Variants in FBXW11 observed in about 807,000 individuals in gnomAD.
FBXW11 encodes the protein F-box/WD repeat-containing protein 11.
A neutral mutation model predicts 77.6 loss-of-function variants in FBXW11; 19 were observed. That is an observed-to-expected ratio of 0.24 (90% CI 0.17 to 0.36). The LOEUF is 0.36. Ranked by LOEUF, FBXW11 falls within the 10% of genes least tolerant of loss-of-function variation. FBXW11 has a pLI of 1.00. For missense variants in FBXW11, 334 were observed against 704.2 expected (o/e 0.47, Z 5.95); for synonymous variants, 235 against 249.4 (o/e 0.94, Z 0.54).
chr5:171,968,411 TC>T (rs1221197554), intron 1 of FBXW11, among the ~76,000 whole-genome samples: 1 of 148,328 alleles, frequency 6.7e-6, no homozygotes, highest in African/African-American at 2.5e-5. Context: ...TGAGCGGAGA[TC>T]AGCCATTGCA....
Position 171,971,631 on chromosome 5 carries a change from GAA to G in FBXW11, c.46-13935_46-13934del, listed in dbSNP as rs34729639. On this transcript the variant is annotated intron_variant, in intron 1 of 13. Coordinates refer to ENST00000517395, the MANE Select transcript of FBXW11 (RefSeq NM_001378974.1). ...TTACGTTTTTGCAGGCAGTGAGGAGGAAAAAAAAAAATTTATTACATTTTTGA... is the reference window on the plus strand; with the variant it reads ...TTACGTTTTTGCAGGCAGTGAGGAGGAAAAAAAAATTTATTACATTTTTGA... Among the ~76,000 whole-genome samples the G allele has an allele frequency of 4.6e-5, 7 of 151,296 alleles. No homozygotes were observed. In the East Asian group the frequency reaches 5.8e-4, roughly 13 times the overall value.
At chr5:171,873,187 C>T (rs2113764433) in intron 9 of FBXW11, among the ~76,000 whole-genome samples, 197 bp from the exon 10 acceptor site, 1 of 152,246 alleles carries the variant, frequency 6.6e-6, no homozygotes, top group East Asian at 1.9e-4. Flanking sequence ...AGTAATAACA[C>T]TGGAATGAAA....
chr5:171,985,654 G>C (rs1479161979), intron 1 of FBXW11, among the ~76,000 whole-genome samples: 2 of 151,958 alleles, frequency 1.3e-5, no homozygotes, highest in Non-Finnish European at 2.9e-5. Flanking sequence ...TGTAGTCCCA[G>C]CTACTTGGAG....
chr5:171,895,536 G>A (rs1759685221), intron 6 of FBXW11, among the ~76,000 whole-genome samples: 1 of 152,146 alleles, frequency 6.6e-6, no homozygotes, highest in Non-Finnish European at 1.5e-5. Context: ...GAGCACTTCG[G>A]AGGCGTTAAT....
At chr5:171,998,882 C>T (rs2113603113) in intron 1 of FBXW11, among the ~76,000 whole-genome samples, 1 of 151,296 alleles carries the variant, frequency 6.6e-6, no homozygotes, top group Non-Finnish European at 1.5e-5. Context: ...AAGATTGTAA[C>T]TGTGACAAAG....
chr5:171,959,857 A>AAG (rs1554105473), intron 1 of FBXW11, among the ~76,000 whole-genome samples: 38 of 130,902 alleles, frequency 2.9e-4, no homozygotes, highest in Admixed American at 1.2e-3. Context: ...CAAAAAAAAA[A>AAG]AAAAGAAAAG....
intron 7 of FBXW11, among the ~76,000 whole-genome samples, chr5:171,878,553 A>AGTGTGTGTGTGTGTGTGTGTGTGTGT (rs34933781): frequency 1.9e-5 from 2 of 105,390 alleles, no homozygotes; most frequent in African/African-American, 7.3e-5. Flanking sequence ...TCTCCATAAG[A>AGTGTGTGTGTGTGTGTGTGTGTGTGT]GTGTGTGAGT....
chr5:171,864,676 G>A (rs1352004396), intron 13 of FBXW11, among the ~76,000 whole-genome samples: 2 of 152,020 alleles, frequency 1.3e-5, no homozygotes, highest in Admixed American at 6.6e-5. Flanking sequence ...CAACAGTATG[G>A]GGGAAAGGCC....
chr5:171,896,169 C>A (rs1192557700), intron 6 of FBXW11, among the ~76,000 whole-genome samples: 2 of 152,030 alleles, frequency 1.3e-5, no homozygotes, highest in African/African-American at 4.8e-5. Context: ...AGAGCCAAAT[C>A]TGGGAACGTA....
chr5:171,959,489 A>C, intron 1 of FBXW11, among the ~76,000 whole-genome samples: 1 of 152,100 alleles, frequency 6.6e-6, no homozygotes, highest in East Asian at 1.9e-4. Context: ...AGTCCCATGG[A>C]ATTTTTTTTC....
chr5:171,964,603 A>T (rs1375157874), intron 1 of FBXW11, among the ~76,000 whole-genome samples: 1 of 152,248 alleles, frequency 6.6e-6, no homozygotes, highest in African/African-American at 2.4e-5. Context: ...AATTAAAGTA[A>T]GGACAAAGCA....
intron 1 of FBXW11, among the ~76,000 whole-genome samples, chr5:171,967,422 A>G (rs1025156798): frequency 2.6e-5 from 4 of 152,244 alleles, no homozygotes; most frequent in Non-Finnish European, 5.9e-5. Flanking sequence ...ATTTACAGAC[A>G]CTAAAGGAAG....
chr5:171,960,943 G>C (rs781129857), intron 1 of FBXW11, among the ~76,000 whole-genome samples: 73 of 152,124 alleles, frequency 4.8e-4, no homozygotes, highest in Admixed American at 3.3e-4. Context: ...AGATTTCCAA[G>C]ATTTTCTCTT....
At chr5:171,864,674 T>C (rs900302788) in intron 13 of FBXW11, among the ~76,000 whole-genome samples, 3 of 152,130 alleles carry the variant, frequency 2.0e-5, no homozygotes, top group Non-Finnish European at 4.4e-5. Context: ...AACAACAGTA[T>C]GGGGGAAAGG....
At chr5:171,961,000 T>G (rs986876360) in intron 1 of FBXW11, among the ~76,000 whole-genome samples, 1 of 152,222 alleles carries the variant, frequency 6.6e-6, no homozygotes, top group African/African-American at 2.4e-5. Flanking sequence ...ATGATGCCAG[T>G]ATTTATTAGA....
At chr5:171,957,721 G>C (rs761842034) in intron 1 of FBXW11, 23 bp from the exon 2 acceptor site, 1 of 1,602,696 alleles carries the variant, frequency 6.2e-7, no homozygotes, top group East Asian at 2.2e-5. Context: ...AAAAAGGAAG[G>C]AAGAGAAGAA....
Position 171,952,555 on chromosome 5 carries a change from C to T in FBXW11, c.147+5042G>A, listed in dbSNP as rs559781079. The stretch of plus-strand genomic sequence containing the variant: ...GCAGCCGCCACCTCCTGGGTTCAAG[C>T]AATTCTCCTGCCTCAGCCTCCCAAG... On this transcript the variant is annotated intron_variant, in intron 2 of 13. Transcript: ENST00000517395. Among the ~76,000 whole-genome samples, 42 of 142,432 alleles carry T rather than the reference C, an allele frequency of 2.9e-4. 1 individual carries two copies. Among genetic ancestry groups the T allele is most frequent in the African/African-American group, 1.0e-3 (40 of 38,304 alleles). 93.4% of individuals were successfully genotyped at this position (142,432 alleles called of 152,430 possible).
At chr5:171,899,788 C>G (rs964477796) in intron 5 of FBXW11, 126 bp downstream of exon 5, 2 of 792,594 alleles carry the variant, frequency 2.5e-6, no homozygotes, top group African/African-American at 3.5e-5. Flanking sequence ...AACTTTTGAC[C>G]ACTCATTTTC....
intron 1 of FBXW11, 54 bp downstream of exon 1, chr5:172,006,403 GC>G: frequency 6.8e-7 from 1 of 1,478,948 alleles, no homozygotes; most frequent in South Asian, 1.3e-5. Flanking sequence ...AGGTGGGCAG[GC>G]CCGCCCGGGG....
Sources: allele counts gnomAD v4.1 joint callset (sites outside exome capture counted in the v4.1 genomes callset), GRCh38; gene constraint gnomAD v4.1.1; transcripts MANE v1.5; gene names NCBI Gene and HGNC (gene_info 2026-07-23, HGNC 2026-07-21).